RHBDL3: variants seen among roughly 807,000 people sequenced by gnomAD.
RHBDL3 encodes rhomboid like 3, also known as rhomboid-related protein 3.
In RHBDL3, 28 loss-of-function variants were observed where a neutral mutation model predicts 48.2. That is an observed-to-expected ratio of 0.58 (90% CI 0.43 to 0.80). The LOEUF is 0.80. Among genes scored for constraint, RHBDL3 ranks in the 30% least tolerant of loss-of-function variants. The probability of loss-of-function intolerance (pLI) is 0.00; values close to 1 mark genes in which losing one functional copy is unlikely to be tolerated. For synonymous variants in RHBDL3, 208 were observed against 232.3 expected (o/e 0.90, Z 0.95); for missense variants, 464 against 542.7 (o/e 0.85, Z 1.44).
intron 4 of RHBDL3, among the ~76,000 whole-genome samples, chr17:32,291,041 T>G (rs2040314235): frequency 6.7e-6 from 1 of 149,502 alleles, no homozygotes; most frequent in Non-Finnish European, 1.5e-5. Flanking sequence ...ATACAAGAAT[T>G]TGGGGGATTG....
chr17:32,289,108 G>A, intron 4 of RHBDL3, 92 bp downstream of exon 4: 1 of 968,038 alleles, frequency 1.0e-6, no homozygotes, highest in Non-Finnish European at 1.6e-6. Flanking sequence ...GATCATGGGG[G>A]AAGAGGGACA....
At chr17:32,296,409 C>T (rs1460069536) in intron 5 of RHBDL3, among the ~76,000 whole-genome samples, 1 of 135,058 alleles carries the variant, frequency 7.4e-6, no homozygotes, top group Non-Finnish European at 1.5e-5. Context: ...GATCTTGGCT[C>T]ACTGCAGCCA....
chr17:32,321,388 G>C lies in RHBDL3; in HGVS notation c.*159G>C. The C allele has an allele frequency of 2.0e-6, 3 of 1,532,478 alleles. No individual in the cohort carries two copies. The highest frequency in any genetic ancestry group is 2.6e-6 in the Non-Finnish European group (3 of 1,143,840). The allele number at this position is 1,532,478 out of a possible 1,614,324, so 94.9% of individuals were successfully genotyped here. ...TGTGTTTAGATTTGGACACACAGTG[G>C]AGACCCTTTTCTGAAAGGCATCTGG... On this transcript the variant is annotated 3_prime_UTR_variant, in exon 9 of 9. Transcript: ENST00000269051.
Position 32,323,594 on chromosome 17 carries a change from A to G in RHBDL3, c.*2365A>G, listed in dbSNP as rs2150767857. The G allele has an allele frequency of 6.6e-6, 1 of 152,294 alleles. No homozygotes were observed. The highest frequency in any genetic ancestry group is 1.5e-5 in the Non-Finnish European group (1 of 68,038). 9.4% of individuals were successfully genotyped at this position (152,294 alleles called of 1,614,324 possible). On this transcript the variant is annotated 3_prime_UTR_variant, in exon 9 of 9. Coordinates refer to ENST00000269051, the MANE Select transcript of RHBDL3 (RefSeq NM_138328.3). ...CTTCCTCTCTTAGGGGTGAGAAAGC[A>G]TTGAACTAGAAGATTCTAGAAATCC...
chr17:32,271,541 T>C (rs1416959492), intron 2 of RHBDL3, among the ~76,000 whole-genome samples: 1 of 152,174 alleles, frequency 6.6e-6, no homozygotes, highest in Admixed American at 6.5e-5. Context: ...AAAGGCCAAA[T>C]AGCGGGGCAG....
At chr17:32,306,014 A>T (rs932869810) in intron 7 of RHBDL3, among the ~76,000 whole-genome samples, 1 of 152,194 alleles carries the variant, frequency 6.6e-6, no homozygotes. Context: ...AGATTATCTC[A>T]TCAAAATTCT....
rs1410814007 is a variant in RHBDL3, at chr17:32,322,722, A to G, written c.*1493A>G. ...GTGGTTATCAAATCCACCCCACCCC[A>G]TTACACAGGTGAGAAAACAAGATGG... On this transcript the variant is annotated 3_prime_UTR_variant, in exon 9 of 9. Coordinates refer to ENST00000269051, the MANE Select transcript of RHBDL3 (RefSeq NM_138328.3). 6.6e-6 allele frequency: 1 copy of G among 152,284 alleles called. No individual in the cohort carries two copies. The highest frequency in any genetic ancestry group is 2.4e-5 in the African/African-American group (1 of 41,446). 9.4% of individuals were successfully genotyped at this position (152,284 alleles called of 1,614,324 possible). A position where few individuals can be genotyped will look rare whatever the true frequency, so the allele number is the denominator to read the frequency against.
chr17:32,292,801 C>CAAA (rs60403728), intron 4 of RHBDL3, among the ~76,000 whole-genome samples: 16,701 of 76,928 alleles, frequency 0.22, 1,433 homozygotes, highest in Middle Eastern at 0.3. Flanking sequence ...GACTCCACCT[C>CAAA]AAAAAAAAAA....
At chr17:32,266,572 C>G (rs1022084577) in intron 1 of RHBDL3, among the ~76,000 whole-genome samples, 2 of 152,198 alleles carry the variant, frequency 1.3e-5, no homozygotes, top group Non-Finnish European at 2.9e-5. Context: ...GCCCCCTCCC[C>G]GCCGCTGGTG....
intron 5 of RHBDL3, among the ~76,000 whole-genome samples, chr17:32,296,150 C>T (rs2040440228): frequency 6.7e-6 from 1 of 149,954 alleles, no homozygotes; most frequent in Non-Finnish European, 1.5e-5. Context: ...ATGGCATGAA[C>T]CCAGGAGGCA....
At chr17:32,269,601 C>T (rs529612116) in intron 2 of RHBDL3, among the ~76,000 whole-genome samples, 1 of 152,344 alleles carries the variant, frequency 6.6e-6, no homozygotes, top group East Asian at 1.9e-4. Flanking sequence ...GCATCTCTCC[C>T]TCTGGCTCCT....
chr17:32,278,338 C>T (rs189456443), intron 2 of RHBDL3, among the ~76,000 whole-genome samples: 4 of 152,198 alleles, frequency 2.6e-5, no homozygotes, highest in Non-Finnish European at 2.9e-5. Context: ...TTCATTCAAC[C>T]GAACAAGACA....
intron 4 of RHBDL3, among the ~76,000 whole-genome samples, chr17:32,290,373 C>T (rs1259818645): frequency 6.6e-6 from 1 of 152,108 alleles, no homozygotes; most frequent in Non-Finnish European, 1.5e-5. Flanking sequence ...TTCAGTTTGC[C>T]CAGGTTGATC....
chr17:32,307,381 A>AG (rs1278550468), intron 7 of RHBDL3, among the ~76,000 whole-genome samples: 1 of 152,222 alleles, frequency 6.6e-6, no homozygotes, highest in Non-Finnish European at 1.5e-5. Context: ...CAATGATCAC[A>AG]GTGCACAGGG....
At chr17:32,293,976 A>G (rs1036654905) in intron 4 of RHBDL3, among the ~76,000 whole-genome samples, 1 of 152,104 alleles carries the variant, frequency 6.6e-6, no homozygotes, top group Non-Finnish European at 1.5e-5. Context: ...AAAAAATACA[A>G]AATTAGCCAG....
intron 2 of RHBDL3, among the ~76,000 whole-genome samples, chr17:32,279,557 C>A (rs1343969794): frequency 2.0e-5 from 3 of 152,234 alleles, no homozygotes; most frequent in African/African-American, 7.2e-5. Flanking sequence ...GGCCCTTCCT[C>A]ACTCCATGTG....
intron 6 of RHBDL3, among the ~76,000 whole-genome samples, chr17:32,304,367 G>A (rs1023341107): frequency 6.6e-6 from 1 of 152,224 alleles, no homozygotes; most frequent in Admixed American, 6.5e-5. Context: ...GGAAGAAGGT[G>A]GAGGTTAACC....
Position 32,269,941 on chromosome 17 carries a change from C to A in RHBDL3, c.135+2016C>A, listed in dbSNP as rs369807453. Among the ~76,000 whole-genome samples the A allele has an allele frequency of 2.6e-5, 4 of 151,904 alleles. No individual in the cohort carries two copies. The South Asian group carries it at 6.2e-4, about 24-fold the overall frequency. On this transcript the variant is annotated intron_variant, in intron 2 of 8. Coordinates refer to ENST00000269051, the MANE Select transcript of RHBDL3 (RefSeq NM_138328.3). ...AATAGTAGCTAGTGGTCTATTAAAT[C>A]GAATTTTTCCAACTGAAGGTAGGTC...
chr17:32,306,470 C>T (rs879708278), intron 7 of RHBDL3, among the ~76,000 whole-genome samples: 2 of 152,170 alleles, frequency 1.3e-5, no homozygotes, highest in African/African-American at 2.4e-5. Context: ...GGGAGGGGGG[C>T]ACCACTCCAT....
Sources: gnomAD v4.1 joint callset for allele counts (sites outside exome capture counted in the v4.1 genomes callset) on GRCh38, gnomAD v4.1.1 for gene constraint, MANE v1.5 for transcripts, NCBI Gene and HGNC (gene_info 2026-07-23, HGNC 2026-07-21) for gene names.